Variants in IZUMO3 observed in about 807,000 individuals in gnomAD.
IZUMO3 encodes IZUMO family member 3, also known as izumo sperm-egg fusion protein 3.
IZUMO3 carries 36 observed loss-of-function variants against 28.4 expected under a neutral mutation model. The ratio of observed to expected loss-of-function variants is 1.27; its 90% CI spans 0.97 to 1.67. IZUMO3 has a LOEUF of 1.67. Among genes scored for constraint, IZUMO3 ranks in the 40% most tolerant of loss-of-function variants. The pLI is 0.00. For synonymous variants in IZUMO3, 126 were observed against 99.2 expected (o/e 1.27, Z -1.61); for missense variants, 387 against 278.5 (o/e 1.39, Z -2.77).
chr9:24,544,267 G>T lies in IZUMO3; in HGVS notation c.424C>A (p.Pro142Thr), dbSNP rs1401152629. 8 of 1,549,654 alleles carry T rather than the reference G, an allele frequency of 5.2e-6. No homozygotes were observed. Among genetic ancestry groups the T allele is most frequent in the African/African-American group, 1.4e-5 (1 of 73,108 alleles). The part of the protein sequence containing the change: ...CSEDCIVVEG[P>T]ILDCWTCLRM... ...AGACACGTCCAACAATCAAGAATGG[G>T]ACCTTCAACCACAACTGATAAAGAG... Residue 142 changes from proline (P) to threonine (T), a missense_variant, in exon 5 of 7, where the codon CCC becomes ACC. Coordinates refer to ENST00000543880, the MANE Select transcript of IZUMO3 (RefSeq NM_001365008.2).
chr9:24,545,513 C>T lies in IZUMO3; in HGVS notation c.137G>A (p.Gly46Asp), dbSNP rs1405331281. The T allele has an allele frequency of 1.3e-6, 2 of 1,535,342 alleles. No homozygotes were observed. Among genetic ancestry groups the T allele is most frequent in the African/African-American group, 1.4e-5 (1 of 73,094 alleles). ...CTGCCGTTCAAGCAGCTGAGTTCGG[C>T]CGGGGACTTCTGAAGGTATCAGATT... ...LGNLIPSEVP[G>D]RTQLLERQIK... is the part of the protein sequence containing the mutation. Residue 46 changes from glycine (G) to aspartate (D), a missense_variant, in exon 1 of 7, where the codon GGC (glycine) becomes GAC (aspartate). Coordinates refer to ENST00000543880, the MANE Select transcript of IZUMO3 (RefSeq NM_001365008.2).
rs772663360 is a variant in IZUMO3 at position 24,543,319 on chromosome 9, C to A, written c.630G>T (p.Arg210Ser). ...FHRRKMKAIR[R>S]SLKEYVEKKL... Reference sequence around the variant, plus strand: ...TCTTCTCCACATATTCCTTTAGCGACCTTCGTATTGCCTTCATTTTCCTCC... The same window carrying A: ...TCTTCTCCACATATTCCTTTAGCGAACTTCGTATTGCCTTCATTTTCCTCC... Residue 210 changes from arginine (R) to serine (S), a missense_variant, in exon 7 of 7, where the codon AGG (arginine) becomes AGT (serine). Coordinates refer to ENST00000543880, the MANE Select transcript of IZUMO3 (RefSeq NM_001365008.2). 5.2e-6 allele frequency: 8 copies of A among 1,548,602 alleles called. No individual in the cohort carries two copies. Among genetic ancestry groups the A allele is most frequent in the African/African-American group, 1.4e-5 (1 of 72,896 alleles).
At chr9:24,543,466 T>TTTTTTTTTTTTTTTTTTTTTTTC in intron 6 of IZUMO3, 99 bp from the exon 7 acceptor site, 1 of 877,814 alleles carries the variant, frequency 1.1e-6, no homozygotes, top group Non-Finnish European at 1.5e-6. Context: ...TTTTTTTTTT[T>TTTTTTTTTTTTTTTTTTTTTTTC]TTTTTTGCTG....
In IZUMO3 at chr9:24,545,567, A is replaced by C. The variant is rs1049109204; in HGVS notation, c.83T>G (p.Phe28Cys). 4 of 1,535,138 alleles carry C rather than the reference A, an allele frequency of 2.6e-6. No homozygotes were observed. In the African/African-American group the frequency reaches 5.5e-5, roughly 21 times the overall value. Residue 28 changes from phenylalanine (F) to cysteine (C), a missense_variant, in exon 1 of 7, where the codon TTT becomes TGT. Transcript: ENST00000543880. Reference sequence around the variant, plus strand: ...CAGCAAGGAGCCAACATCCTCTATAAATTTGGGGTCACATTCTAAACAGCC... The same window carrying C: ...CAGCAAGGAGCCAACATCCTCTATACATTTGGGGTCACATTCTAAACAGCC... ...VKGCLECDPK[F>C]IEDVGSLLGN...
Position 24,545,305 on chromosome 9 carries a change from G to T in IZUMO3, c.227-19C>A, listed in dbSNP as rs1376733233. 1 of 1,548,418 alleles carries T rather than the reference G, an allele frequency of 6.5e-7. No homozygotes were observed. On this transcript the variant is annotated intron_variant, in intron 1 of 6. Coordinates refer to ENST00000543880, the MANE Select transcript of IZUMO3 (RefSeq NM_001365008.2). ...TGAACAGCTAGAGAGGGAGAGTAAA[G>T]GTACATGTAGGGGAATAATTACATC...
Position 24,545,876 on chromosome 9 carries a change from G to A in IZUMO3, c.-227C>T, listed in dbSNP as rs1316757124. 6.6e-7 allele frequency: 1 copy of A among 1,506,982 alleles called. No homozygotes were observed. The highest frequency in any genetic ancestry group is 2.0e-5 in the Admixed American group (1 of 49,526). 93.4% of individuals were successfully genotyped at this position (1,506,982 alleles called of 1,614,324 possible). A position where few individuals can be genotyped will look rare whatever the true frequency, so the allele number is the denominator to read the frequency against. ...ATTCTAGGAGAGGGAACTGCCAGCTGGGGAGCGGATACCTGAGTTCTGAGT... is the reference window on the plus strand; with the variant it reads ...ATTCTAGGAGAGGGAACTGCCAGCTAGGGAGCGGATACCTGAGTTCTGAGT... On this transcript the variant is annotated 5_prime_UTR_variant, in exon 1 of 7. Coordinates refer to ENST00000543880, the MANE Select transcript of IZUMO3 (RefSeq NM_001365008.2).
At position 24,543,253 on chromosome 9, in the gene IZUMO3, C is replaced by T. The variant is rs28465241; in HGVS notation, c.696G>A (p.Glu232=). Reference sequence around the variant, plus strand: ...TTTATTTTCTGAGTCTAAAGTCTTTCTCCTCCTTCTCATCTATCTTCCCCA... The same window carrying T: ...TTTATTTTCTGAGTCTAAAGTCTTTTTCCTCCTTCTCATCTATCTTCCCCA... ...ELMGKIDEKE[E]KDFRLRK Residue 232 remains glutamate (E), a synonymous_variant, in exon 7 of 7, where the codon GAG becomes GAA. Coordinates refer to ENST00000543880, the MANE Select transcript of IZUMO3 (RefSeq NM_001365008.2). 2 of 1,544,698 alleles carry T rather than the reference C, an allele frequency of 1.3e-6. No homozygotes were observed. Among genetic ancestry groups the T allele is most frequent in the East Asian group, 2.5e-5 (1 of 40,578 alleles).
At position 24,543,042 on chromosome 9, in the gene IZUMO3, A is replaced by T; in HGVS notation, c.*187T>A. The T allele has an allele frequency of 4.2e-6, 2 of 480,142 alleles. No homozygotes were observed. Among genetic ancestry groups the T allele is most frequent in the Non-Finnish European group, 7.1e-6 (2 of 280,558 alleles). 29.7% of individuals were successfully genotyped at this position (480,142 alleles called of 1,614,324 possible). A position where few individuals can be genotyped will look rare whatever the true frequency, so the allele number is the denominator to read the frequency against. ...CTTTCTGTACAACTCTGGCCAAATT[A>T]TTTGCTCTCCCATTACTTCCGTTGT... On this transcript the variant is annotated 3_prime_UTR_variant, in exon 7 of 7. Transcript: ENST00000543880.
chr9:24,544,228 T>A lies in IZUMO3; in HGVS notation c.463A>T (p.Arg155Trp). The A allele has an allele frequency of 6.5e-7, 1 of 1,550,028 alleles. No individual in the cohort carries two copies. Among genetic ancestry groups the A allele is most frequent in the Non-Finnish European group, 8.7e-7 (1 of 1,146,412 alleles). Residue 155 changes from arginine to tryptophan, a missense_variant, in exon 5 of 7, where the codon AGG becomes TGG. By Grantham distance (101) the Arg-to-Trp change is moderately radical. Coordinates refer to ENST00000543880, the MANE Select transcript of IZUMO3 (RefSeq NM_001365008.2). ...CCACAATATTCTCCTTTGAAGCACC[T>A]GTTAGTCATGCGAAGACACGTCCAA... ...DCWTCLRMTN[R>W]CFKGEYCGDE...
chr9:24,544,854 A>G, intron 3 of IZUMO3, 94 bp from the exon 4 acceptor site: 4 of 1,368,656 alleles, frequency 2.9e-6, no homozygotes, highest in Non-Finnish European at 1.0e-6. Context: ...TTTAAGTTCC[A>G]GTTACCTCTC....
chr9:24,545,027 G>A lies in IZUMO3; in HGVS notation c.336C>T (p.Val112=). The change falls in exon 3 of 7, where the codon GTC becomes GTT. Residue 112 remains valine, a synonymous_variant. Coordinates refer to ENST00000543880, the MANE Select transcript of IZUMO3 (RefSeq NM_001365008.2). ...VFIYQGKLLD[V]CQNLESKLKE... is the part of the protein sequence containing the mutation. ...TCAGTTTGGATTCCAGGTTTTGGCA[G>A]ACATCGAGAAGCTTGCCTTGATAGA... 2 of 1,550,810 alleles carry A rather than the reference G, an allele frequency of 1.3e-6. No homozygotes were observed. Among genetic ancestry groups the A allele is most frequent in the East Asian group, 2.4e-5 (1 of 40,900 alleles).
In IZUMO3 at chr9:24,545,066, G is replaced by A; in HGVS notation, c.302-5C>T. ...TGCCTTGATAGATAAAGACACCTAA[G>A]AGGGAGTGGAAGGGGTGTCAAAAAA... On this transcript the variant is annotated splice_polypyrimidine_tract_variant and splice_region_variant and intron_variant, in intron 2 of 6. Coordinates refer to ENST00000543880, the MANE Select transcript of IZUMO3 (RefSeq NM_001365008.2). The A allele has an allele frequency of 1.3e-6, 2 of 1,540,544 alleles. No homozygotes were observed. Among genetic ancestry groups the A allele is most frequent in the Non-Finnish European group, 8.8e-7 (1 of 1,137,654 alleles).
chr9:24,543,485 T>A, intron 6 of IZUMO3, 118 bp from the exon 7 acceptor site: 1 of 525,296 alleles, frequency 1.9e-6, no homozygotes, highest in East Asian at 5.9e-5. Context: ...TGGATACTTC[T>A]CCATTTCCTT....
chr9:24,545,032 C>T lies in IZUMO3; in HGVS notation c.331G>A (p.Asp111Asn), dbSNP rs531050008. 6 of 1,550,632 alleles carry T rather than the reference C, an allele frequency of 3.9e-6. No homozygotes were observed. Among genetic ancestry groups the T allele is most frequent in the East Asian group, 4.9e-5 (2 of 40,894 alleles). The part of the protein sequence containing the change: ...GVFIYQGKLL[D>N]VCQNLESKLK... ...TTGGATTCCAGGTTTTGGCAGACAT[C>T]GAGAAGCTTGCCTTGATAGATAAAG... Residue 111 changes from aspartate (D) to asparagine (N), a missense_variant, in exon 3 of 7, where the codon GAT (aspartate) becomes AAT (asparagine). Asp to Asn is a conservative substitution (Grantham distance 23). Coordinates refer to ENST00000543880, the MANE Select transcript of IZUMO3 (RefSeq NM_001365008.2).
chr9:24,543,727 C>T lies in IZUMO3; in HGVS notation c.518G>A (p.Arg173Gln), dbSNP rs547586264. Reference sequence around the variant, plus strand: ...CAATATGAGAAATAGAGCAATCTCTCGATTCTCAGCCTTTCTTGGATCCTC... The same window carrying T: ...CAATATGAGAAATAGAGCAATCTCTTGATTCTCAGCCTTTCTTGGATCCTC... ...GDEDPRKAEN[R>Q]EIALFLILLA... Residue 173 changes from arginine (R) to glutamine (Q), a missense_variant, in exon 6 of 7, where the codon CGA becomes CAA. By Grantham distance (43) the Arg-to-Gln change is conservative. Coordinates refer to ENST00000543880, the MANE Select transcript of IZUMO3 (RefSeq NM_001365008.2). The T allele has an allele frequency of 7.1e-6, 11 of 1,549,108 alleles. No homozygotes were observed. The highest frequency in any genetic ancestry group is 3.6e-5 in the South Asian group (3 of 84,016).
chr9:24,543,894 C>G, intron 5 of IZUMO3, 140 bp from the exon 6 acceptor site: 2 of 648,592 alleles, frequency 3.1e-6, no homozygotes, highest in Non-Finnish European at 5.3e-6. Flanking sequence ...TTATTTTGAC[C>G]TTTATTACTT....
rs1819515537 is a variant in IZUMO3, at chr9:24,543,726, T to A, written c.519A>T (p.Arg173=). 4 of 1,549,226 alleles carry A rather than the reference T, an allele frequency of 2.6e-6. No homozygotes were observed. The highest frequency in any genetic ancestry group is 3.3e-4 in the Middle Eastern group (2 of 5,986). The change falls in exon 6 of 7, where the codon CGA becomes CGT. Residue 173 remains arginine (R), a synonymous_variant. Coordinates refer to ENST00000543880, the MANE Select transcript of IZUMO3 (RefSeq NM_001365008.2). The part of the protein sequence containing the change: ...GDEDPRKAEN[R]EIALFLILLA... ...GCAATATGAGAAATAGAGCAATCTCTCGATTCTCAGCCTTTCTTGGATCCT... is the reference window on the plus strand; with the variant it reads ...GCAATATGAGAAATAGAGCAATCTCACGATTCTCAGCCTTTCTTGGATCCT...
In IZUMO3 at chr9:24,545,845, T is replaced by C. The variant is rs764352494; in HGVS notation, c.-196A>G. 4.1e-5 allele frequency: 63 copies of C among 1,535,202 alleles called. No homozygotes were observed. The highest frequency in any genetic ancestry group is 5.0e-5 in the East Asian group (2 of 39,792). On this transcript the variant is annotated 5_prime_UTR_variant, in exon 1 of 7. Coordinates refer to ENST00000543880, the MANE Select transcript of IZUMO3 (RefSeq NM_001365008.2). ...ATCTTTAGTTGTTTACTGACTATTATCCTTCATTCTAGGAGAGGGAACTGC... is the reference window on the plus strand; with the variant it reads ...ATCTTTAGTTGTTTACTGACTATTACCCTTCATTCTAGGAGAGGGAACTGC...
At position 24,543,438 on chromosome 9, in the gene IZUMO3, G is replaced by GTTTTTTTTTTTT. The variant is rs33972842; in HGVS notation, c.582-83_582-72dup. ...CCATTCTTTAAGCCAGTTATACATT[G>GTTTTTTTTTTTT]TTTTTTTTTTTTTTTTTTTTTTTTT... On this transcript the variant is annotated intron_variant, in intron 6 of 6. Coordinates refer to ENST00000543880, the MANE Select transcript of IZUMO3 (RefSeq NM_001365008.2). 20 of 37,810 alleles carry GTTTTTTTTTTTT rather than the reference G, an allele frequency of 5.3e-4. 5 individuals are homozygous for GTTTTTTTTTTTT. Among genetic ancestry groups the GTTTTTTTTTTTT allele is most frequent in the Admixed American group, 1.2e-3 (2 of 1,630 alleles). The allele number at this position is 37,810 out of a possible 1,614,324, so 2.3% of individuals were successfully genotyped here.
Sources: gnomAD v4.1 joint callset for allele counts on GRCh38, gnomAD v4.1.1 for gene constraint, MANE v1.5 for transcripts, NCBI Gene and HGNC (gene_info 2026-07-23, HGNC 2026-07-21) for gene names.